The following PAH variants were observed in gnomAD, a reference collection of about 807,000 sequenced individuals.
PAH encodes the protein phenylalanine-4-hydroxylase.
PAH carries 64 observed loss-of-function variants against 62.0 expected under a neutral mutation model. The ratio of observed to expected loss-of-function variants is 1.03; its 90% CI spans 0.84 to 1.27. The LOEUF (loss-of-function observed/expected upper bound fraction) is 1.27. PAH is among the 50% of genes most tolerant of loss of function. The pLI is 0.00. For missense variants in PAH, 579 were observed against 542.8 expected (o/e 1.07, Z -0.66); for synonymous variants, 195 against 196.2 (o/e 0.99, Z 0.05).
intron 1 of PAH, chr12:102,914,507 T>C (rs1180480162): frequency 6.6e-6 from 1 of 152,476 alleles, no homozygotes; most frequent in Non-Finnish European, 1.5e-5. Context: ...TCATTTGATC[T>C]CTGCATACTG....
At chr12:102,840,076 T>C (rs1405112747) in intron 12 of PAH, among the ~76,000 whole-genome samples, 2 of 152,024 alleles carry the variant, frequency 1.3e-5, no homozygotes, top group Admixed American at 1.3e-4. Context: ...GGCAGAGTGA[T>C]AACAACTGGA....
intron 3 of PAH, among the ~76,000 whole-genome samples, chr12:102,880,692 TG>T (rs1017777185): frequency 6.6e-6 from 1 of 152,108 alleles, no homozygotes; most frequent in Admixed American, 6.5e-5. Context: ...CAAAGCATTG[TG>T]GGGTGCATAC....
intron 3 of PAH, among the ~76,000 whole-genome samples, chr12:102,882,460 T>C (rs558827203): frequency 7.2e-5 from 11 of 152,152 alleles, no homozygotes; most frequent in Admixed American, 2.0e-4. Context: ...CTAGAAAGTA[T>C]TGCTTTATAA....
intron 3 of PAH, among the ~76,000 whole-genome samples, chr12:102,880,816 A>G (rs1221345578): frequency 6.6e-6 from 1 of 152,184 alleles, no homozygotes; most frequent in East Asian, 1.9e-4. Flanking sequence ...AAGAAGAATA[A>G]AGAAGCATAA....
At chr12:102,876,584 G>A (rs917490791) in intron 4 of PAH, among the ~76,000 whole-genome samples, 10 of 152,208 alleles carry the variant, frequency 6.6e-5, no homozygotes, top group African/African-American at 1.9e-4. Context: ...AACCTTCACC[G>A]ATGTAAATGG....
chr12:102,840,717 G>A (rs1874558956), intron 11 of PAH, among the ~76,000 whole-genome samples: 1 of 152,132 alleles, frequency 6.6e-6, no homozygotes, highest in Non-Finnish European at 1.5e-5. Flanking sequence ...GTATGTGTAT[G>A]TACAAACACA....
intron 5 of PAH, among the ~76,000 whole-genome samples, chr12:102,862,508 A>C (rs1225316817): frequency 6.6e-6 from 1 of 152,200 alleles, no homozygotes; most frequent in African/African-American, 2.4e-5. Context: ...ACACAAGTTT[A>C]CCTATATGTA....
chr12:102,888,788 T>A (rs1877142514), intron 3 of PAH, among the ~76,000 whole-genome samples: 1 of 151,832 alleles, frequency 6.6e-6, no homozygotes. Context: ...GCTACATCAG[T>A]GCATCCAGCA....
chr12:102,955,031 T>C (rs1879871777), upstream of PAH, among the ~76,000 whole-genome samples: 1 of 152,098 alleles, frequency 6.6e-6, no homozygotes, highest in Non-Finnish European at 1.5e-5. Flanking sequence ...AGGGCTGGCA[T>C]AGGGAGAATA....
At chr12:102,933,464 A>G (rs1472343765) in intron 1 of PAH, among the ~76,000 whole-genome samples, 1 of 152,024 alleles carries the variant, frequency 6.6e-6, no homozygotes, top group South Asian at 2.1e-4. Flanking sequence ...TCAACATTCT[A>G]ATTTCCTTTA....
intron 3 of PAH, among the ~76,000 whole-genome samples, chr12:102,884,895 C>G (rs1013789121): frequency 1.3e-5 from 2 of 152,178 alleles, no homozygotes; most frequent in African/African-American, 4.8e-5. Flanking sequence ...ATTCGCAAAA[C>G]AGTCCCAGGT....
In PAH at chr12:102,917,156, T is replaced by C; in HGVS notation, c.-26A>G. On this transcript the variant is annotated 5_prime_UTR_variant, in exon 1 of 13. Coordinates refer to ENST00000553106, the MANE Select transcript of PAH (RefSeq NM_000277.3). ...GCTGGCTCCCCGGGAGTGAGGTCTC[T>C]GGCTTTTTAGGGCCTCAGGTACAGG... 6.2e-7 allele frequency: 1 copy of C among 1,613,144 alleles called. No homozygotes were observed. The highest frequency in any genetic ancestry group is 1.1e-5 in the South Asian group (1 of 91,046).
At chr12:102,921,358 T>G (rs184133434), upstream of PAH, among the ~76,000 whole-genome samples, 4 of 152,342 alleles carry the variant, frequency 2.6e-5, no homozygotes, top group Admixed American at 6.5e-5. Flanking sequence ...CATTTTCTAC[T>G]AGGATTCCTG....
intron 1 of PAH, among the ~76,000 whole-genome samples, 156 bp downstream of exon 1, chr12:102,916,915 A>G (rs1401983201): frequency 6.6e-6 from 1 of 150,888 alleles, no homozygotes; most frequent in East Asian, 1.9e-4. Flanking sequence ...TGTTGAGGAC[A>G]TTTGTCTGTT....
intron 4 of PAH, among the ~76,000 whole-genome samples, chr12:102,875,565 G>A (rs144357911): frequency 4.5e-4 from 69 of 152,278 alleles, no homozygotes; most frequent in African/African-American, 1.5e-3. Flanking sequence ...TGTTGAACGG[G>A]TACACAGAGC....
At chr12:102,851,856 A>C in intron 7 of PAH, 100 bp from the exon 8 acceptor site, 2 of 870,914 alleles carry the variant, frequency 2.3e-6, no homozygotes, top group Non-Finnish European at 3.8e-6. Flanking sequence ...AATGGAAATA[A>C]CTCTTTTAGG....
At chr12:102,877,187 C>CTG (rs1244904383) in intron 4 of PAH, 3 of 479,482 alleles carry the variant, frequency 6.3e-6, no homozygotes, top group Non-Finnish European at 7.7e-6. Context: ...TGATTTGCAT[C>CTG]TGTGTGTGTG....
upstream of PAH, among the ~76,000 whole-genome samples, chr12:102,952,784 G>A (rs1213723111): frequency 6.6e-6 from 1 of 152,050 alleles, no homozygotes; most frequent in Admixed American, 6.6e-5. Flanking sequence ...TCTTTTTAAA[G>A]CATATTGAAA....
At chr12:102,953,049 G>A (rs1401383364), upstream of PAH, among the ~76,000 whole-genome samples, 2 of 152,168 alleles carry the variant, frequency 1.3e-5, no homozygotes, top group Non-Finnish European at 2.9e-5. Context: ...ACAGTGTCTA[G>A]CACAGCCTTA....
Sources: allele counts gnomAD v4.1 joint callset (sites outside exome capture counted in the v4.1 genomes callset), GRCh38; gene constraint gnomAD v4.1.1; transcripts MANE v1.5; gene names NCBI Gene and HGNC (gene_info 2026-07-23, HGNC 2026-07-21).